Variants in CADM2 observed in about 807,000 individuals in gnomAD.
CADM2 encodes the protein cell adhesion molecule 2, also known as immunoglobulin superfamily member 4D.
A neutral mutation model predicts 49.8 loss-of-function variants in CADM2; 12 were observed. The observed-to-expected ratio is 0.24, with a 90% CI of 0.15 to 0.39. CADM2 has a LOEUF of 0.39. Ranked by LOEUF, CADM2 falls within the 10% of genes least tolerant of loss-of-function variation. The pLI is 1.00. For missense variants in CADM2, 378 were observed against 492.3 expected, an observed-to-expected ratio of 0.77 and a Z score of 2.20; for synonymous variants, 214 against 175.4, an observed-to-expected ratio of 1.22 and a Z score of -1.74.
rs1341011451 is a variant in CADM2, at chr3:86,038,242, G to A, written c.971-27363G>A. ...ACTTCTTAACATGTGTTAAATCCAT[G>A]AAGTTAGCTATCAGAAATTTTTAGA... is the stretch of plus-strand genomic sequence containing the variant. On this transcript the variant is annotated intron_variant, in intron 8 of 9. Transcript: ENST00000383699. 2.0e-5 allele frequency among the ~76,000 whole-genome samples: 3 copies of A among 152,310 alleles called. No individual in the cohort carries two copies. The East Asian group carries it at 5.8e-4, about 29-fold the overall frequency.
rs185686975 is a variant in CADM2, at chr3:85,385,857, G to A, written c.62-340665G>A. On this transcript the variant is annotated intron_variant, in intron 1 of 9. Coordinates refer to ENST00000383699, the MANE Select transcript of CADM2 (RefSeq NM_001167675.2). ...AAGATTGTATAAATTGAACATTCTC[G>A]CTTTGACATAAAATTGGATGTTATT... is the stretch of plus-strand genomic sequence containing the variant. 2.0e-4 allele frequency: 27 copies of A among 131,988 alleles called. 1 individual carries two copies. The Middle Eastern group carries it at 8.7e-3, about 43-fold the overall frequency. 8.2% of individuals were successfully genotyped at this position (131,988 alleles called of 1,614,324 possible).
intron 1 of CADM2, among the ~76,000 whole-genome samples, chr3:84,997,360 A>G (rs2033232813): frequency 6.6e-6 from 1 of 152,006 alleles, no homozygotes; most frequent in South Asian, 2.1e-4. Context: ...AAATATCTTA[A>G]CTTTTGGACC....
At chr3:85,891,011 A>G (rs1295554544) in intron 5 of CADM2, among the ~76,000 whole-genome samples, 1 of 152,194 alleles carries the variant, frequency 6.6e-6, no homozygotes, top group Non-Finnish European at 1.5e-5. Context: ...TCTATAGGCA[A>G]TAGTGAGACT....
At chr3:85,060,885 A>G (rs919085086) in intron 1 of CADM2, among the ~76,000 whole-genome samples, 2 of 152,160 alleles carry the variant, frequency 1.3e-5, no homozygotes, top group Non-Finnish European at 2.9e-5. Flanking sequence ...TCAAATCAGT[A>G]CTATTACTTA....
At chr3:85,185,676 C>G (rs1013365012) in intron 1 of CADM2, among the ~76,000 whole-genome samples, 1 of 152,076 alleles carries the variant, frequency 6.6e-6, no homozygotes, top group Admixed American at 6.6e-5. Context: ...ATTCTTGATT[C>G]TGTATGATGG....
intron 1 of CADM2, among the ~76,000 whole-genome samples, chr3:85,343,527 T>C (rs1194292607): frequency 6.6e-6 from 1 of 152,186 alleles, no homozygotes; most frequent in Non-Finnish European, 1.5e-5. Context: ...TTTCACCCTT[T>C]GAAATTGATT....
intron 1 of CADM2, among the ~76,000 whole-genome samples, chr3:85,117,572 A>G (rs2038684141): frequency 6.6e-6 from 1 of 152,174 alleles, no homozygotes; most frequent in Admixed American, 6.5e-5. Context: ...ATTTATCTGA[A>G]GTATATTTAT....
chr3:85,859,247 T>TTTTTTTTTTTTTG (rs1559705464), intron 3 of CADM2, among the ~76,000 whole-genome samples: 1 of 143,224 alleles, frequency 7.0e-6, no homozygotes, highest in African/African-American at 2.6e-5. Context: ...TTTTTTTTTT[T>TTTTTTTTTTTTTG]TTTGAGACGG....
intron 8 of CADM2, among the ~76,000 whole-genome samples, chr3:85,980,454 A>G (rs1727338381): frequency 1.3e-5 from 2 of 151,568 alleles, no homozygotes; most frequent in African/African-American, 4.8e-5. Flanking sequence ...CAACTATATT[A>G]TACAATGTAC....
chr3:85,397,513 C>T (rs951975806), intron 1 of CADM2, among the ~76,000 whole-genome samples: 19 of 152,078 alleles, frequency 1.2e-4, no homozygotes, highest in South Asian at 4.1e-4. Context: ...ATAAGCAAAG[C>T]GTGCTTATAT....
At chr3:85,563,163 G>T (rs1576811193) in intron 1 of CADM2, among the ~76,000 whole-genome samples, 1 of 152,052 alleles carries the variant, frequency 6.6e-6, no homozygotes. Flanking sequence ...TTTAAAACAA[G>T]AAATTCTGTT....
At chr3:85,319,526 A>G (rs768582349) in intron 1 of CADM2, among the ~76,000 whole-genome samples, 17 of 152,246 alleles carry the variant, frequency 1.1e-4, no homozygotes, top group Non-Finnish European at 1.5e-5. Flanking sequence ...CACAATAGCA[A>G]ACACAGGGAA....
At chr3:85,655,971 C>T (rs188988166) in intron 1 of CADM2, among the ~76,000 whole-genome samples, 14 of 148,242 alleles carry the variant, frequency 9.4e-5, no homozygotes, top group African/African-American at 3.5e-4. Context: ...CCAAAAGTTC[C>T]TTTTTTTTTT....
At chr3:85,953,023 C>G (rs1723635719) in intron 7 of CADM2, among the ~76,000 whole-genome samples, 1 of 150,308 alleles carries the variant, frequency 6.7e-6, no homozygotes, top group Non-Finnish European at 1.5e-5. Flanking sequence ...ACAGATGTTT[C>G]CCCCACACCT....
intron 1 of CADM2, among the ~76,000 whole-genome samples, chr3:85,233,467 A>G (rs939117368): frequency 1.3e-5 from 2 of 152,136 alleles, no homozygotes; most frequent in Non-Finnish European, 1.5e-5. Flanking sequence ...AAGGGAAACT[A>G]TGTGAGGGGA....
Position 85,887,124 on chromosome 3 carries a change from G to T in CADM2, c.529+797G>T, listed in dbSNP as rs374457202. 3.7e-4 allele frequency among the ~76,000 whole-genome samples: 57 copies of T among 152,210 alleles called. No homozygotes were observed. In the East Asian group the frequency reaches 9.5e-3, roughly 25 times the overall value. On this transcript the variant is annotated intron_variant, in intron 5 of 9. Transcript: ENST00000383699. ...TTTTTAAGAGATAGGGTCTTGCTCT[G>T]TCACGCAGGCTGGAATGCAGTGATA...
chr3:85,126,200 T>G (rs1194007915), intron 1 of CADM2, among the ~76,000 whole-genome samples: 1 of 152,296 alleles, frequency 6.6e-6, no homozygotes, highest in South Asian at 2.1e-4. Flanking sequence ...CAGGCAGAGT[T>G]TTCCCCTGAA....
At chr3:85,465,178 C>T (rs1464172451) in intron 1 of CADM2, among the ~76,000 whole-genome samples, 1 of 152,018 alleles carries the variant, frequency 6.6e-6, no homozygotes, top group Non-Finnish European at 1.5e-5. Flanking sequence ...ACAACAACAA[C>T]AAAAACAAAC....
intron 6 of CADM2, among the ~76,000 whole-genome samples, 165 bp downstream of exon 6, chr3:85,912,708 C>G (rs1233966633): frequency 6.6e-6 from 1 of 152,140 alleles, no homozygotes. Flanking sequence ...CAAAGGAAAA[C>G]ACTCCTTGTC....
Sources: gnomAD v4.1 joint callset for allele counts (sites outside exome capture counted in the v4.1 genomes callset) on GRCh38, gnomAD v4.1.1 for gene constraint, MANE v1.5 for transcripts, NCBI Gene and HGNC (gene_info 2026-07-23, HGNC 2026-07-21) for gene names.